TESK2: variants seen among roughly 807,000 people sequenced by gnomAD.
TESK2 encodes the protein dual specificity testis-specific protein kinase 2.
A neutral mutation model predicts 57.1 loss-of-function variants in TESK2; 39 were observed. The ratio of observed to expected loss-of-function variants is 0.68; its 90% CI spans 0.53 to 0.89. The LOEUF is 0.89. Among genes scored for constraint, TESK2 ranks in the 40% least tolerant of loss-of-function variants. The pLI, the probability that TESK2 is intolerant of heterozygous loss-of-function variation, is 0.00. For missense variants in TESK2, 646 were observed against 732.1 expected (o/e 0.88, Z 1.36); for synonymous variants, 249 against 267.9 (o/e 0.93, Z 0.69).
intron 4 of TESK2, among the ~76,000 whole-genome samples, chr1:45,368,162 T>C (rs1570656328): frequency 1.4e-5 from 2 of 146,732 alleles, no homozygotes; most frequent in Admixed American, 6.8e-5. Flanking sequence ...ACCCGGCTAA[T>C]TTTTTGTATA....
intron 3 of TESK2, among the ~76,000 whole-genome samples, chr1:45,386,402 T>G (rs1476284235): frequency 1.9e-4 from 14 of 72,578 alleles, no homozygotes; most frequent in South Asian, 8.2e-4. Flanking sequence ...GAAAGATAGA[T>G]AGAAAAGAAA....
At chr1:45,484,657 G>A (rs1022999709) in intron 1 of TESK2, among the ~76,000 whole-genome samples, 1 of 152,100 alleles carries the variant, frequency 6.6e-6, no homozygotes, top group Non-Finnish European at 1.5e-5. Context: ...GCTTCAACCC[G>A]GAAGGCGGAA....
At chr1:45,475,435 G>T (rs747283585) in intron 1 of TESK2, among the ~76,000 whole-genome samples, 4 of 151,946 alleles carry the variant, frequency 2.6e-5, no homozygotes, top group Non-Finnish European at 4.4e-5. Context: ...TCGAACTCTT[G>T]ACCTCAGGTG....
Position 45,401,041 on chromosome 1 carries a change from AAAG to A in TESK2, c.345-15084_345-15082del, listed in dbSNP as rs1160666787. 2.0e-5 allele frequency among the ~76,000 whole-genome samples: 3 copies of A among 151,038 alleles called. No homozygotes were observed. The East Asian group carries it at 5.8e-4, about 29-fold the overall frequency. ...ACTCTGTCTTAAAAAAAAAAAAAAA[AAAG>A]AAGTGAAGAAAGAGGTGTGACATAG... is the stretch of plus-strand genomic sequence containing the variant. On this transcript the variant is annotated intron_variant, in intron 3 of 10. Transcript: ENST00000372086.
chr1:45,361,511 C>A (rs1409941555), intron 4 of TESK2, among the ~76,000 whole-genome samples: 1 of 152,138 alleles, frequency 6.6e-6, no homozygotes, highest in Non-Finnish European at 1.5e-5. Flanking sequence ...TTTACCTATA[C>A]CAAAACTTGC....
At chr1:45,380,358 TGA>T (rs1157773978) in intron 4 of TESK2, among the ~76,000 whole-genome samples, 1 of 152,228 alleles carries the variant, frequency 6.6e-6, no homozygotes, top group Non-Finnish European at 1.5e-5. Context: ...TTCTAGCCAC[TGA>T]GAGTTTCTGC....
intron 3 of TESK2, among the ~76,000 whole-genome samples, chr1:45,389,250 G>A (rs1051244066): frequency 9.2e-5 from 14 of 152,074 alleles, no homozygotes; most frequent in African/African-American, 2.9e-4. Flanking sequence ...CTGAGACCTC[G>A]TCATATACAT....
chr1:45,424,618 C>G (rs1650612969), intron 2 of TESK2, among the ~76,000 whole-genome samples: 1 of 152,192 alleles, frequency 6.6e-6, no homozygotes, highest in Admixed American at 6.5e-5. Flanking sequence ...TTAATAAGGA[C>G]TCTCCAGCTG....
chr1:45,345,444 A>T lies in TESK2; in HGVS notation c.1112T>A (p.Ile371Asn). Residue 371 changes from isoleucine (I) to asparagine (N), a missense_variant, in exon 11 of 11, where the codon ATC (isoleucine) becomes AAC (asparagine). Coordinates refer to ENST00000372086, the MANE Select transcript of TESK2 (RefSeq NM_007170.3). ...TIWLSRSQSDIFSRKPPRTVS... is the reference protein window; with the variant it reads ...TIWLSRSQSDNFSRKPPRTVS... ...TGTACGTGGGGGCTTACGGGAAAAG[A>T]TATCTGACTGGCTTCGAGACAGCCA... is the stretch of plus-strand genomic sequence containing the variant. The T allele has an allele frequency of 6.2e-7, 1 of 1,614,124 alleles. No individual in the cohort carries two copies. Among genetic ancestry groups the T allele is most frequent in the South Asian group, 1.1e-5 (1 of 91,078 alleles).
chr1:45,416,273 ACAAG>A (rs1161630306), intron 3 of TESK2, among the ~76,000 whole-genome samples: 7 of 150,672 alleles, frequency 4.6e-5, no homozygotes, highest in Non-Finnish European at 7.4e-5. Flanking sequence ...TGTAGAGAAA[ACAAG>A]GTTTTCTCTA....
At chr1:45,360,337 A>G (rs1009726601) in intron 4 of TESK2, among the ~76,000 whole-genome samples, 2 of 152,156 alleles carry the variant, frequency 1.3e-5, no homozygotes, top group Non-Finnish European at 2.9e-5. Flanking sequence ...TCACTTCTTT[A>G]GCATGATGAC....
At chr1:45,440,445 G>A (rs1228767484) in intron 2 of TESK2, among the ~76,000 whole-genome samples, 1 of 152,072 alleles carries the variant, frequency 6.6e-6, no homozygotes, top group Non-Finnish European at 1.5e-5. Context: ...TGGGCGCGGT[G>A]GCTCATGCCC....
intron 3 of TESK2, among the ~76,000 whole-genome samples, chr1:45,402,524 C>T (rs1414452878): frequency 6.6e-6 from 1 of 150,798 alleles, no homozygotes; most frequent in Non-Finnish European, 1.5e-5. Flanking sequence ...CTCTTGTTGC[C>T]CAGGCTGGAG....
chr1:45,418,888 G>C (rs1570710057), intron 3 of TESK2, among the ~76,000 whole-genome samples: 1 of 151,396 alleles, frequency 6.6e-6, no homozygotes, highest in Non-Finnish European at 1.5e-5. Context: ...CCCATAAGCA[G>C]ATATACTTAC....
chr1:45,385,735 T>A (rs1023119505), intron 4 of TESK2, among the ~76,000 whole-genome samples, 177 bp downstream of exon 4: 2 of 148,444 alleles, frequency 1.3e-5, no homozygotes, highest in Middle Eastern at 3.5e-3. Context: ...TATATATATA[T>A]AAAGAAATAC....
At chr1:45,345,846 T>TTA (rs750866636) in intron 10 of TESK2, 31 bp downstream of exon 10, 20 of 1,569,104 alleles carry the variant, frequency 1.3e-5, no homozygotes, top group South Asian at 7.8e-5. Flanking sequence ...TCCCTTAGGG[T>TTA]TAGGTTGGGC....
At chr1:45,389,231 T>C (rs1649039459) in intron 3 of TESK2, among the ~76,000 whole-genome samples, 1 of 152,068 alleles carries the variant, frequency 6.6e-6, no homozygotes, top group Non-Finnish European at 1.5e-5. Flanking sequence ...CTGGGCAATA[T>C]AGGGAGACCT....
chr1:45,485,993 T>C (rs1424858184), intron 1 of TESK2, among the ~76,000 whole-genome samples: 1 of 152,232 alleles, frequency 6.6e-6, no homozygotes, highest in Admixed American at 6.5e-5. Context: ...AACTAAGGTT[T>C]TCCTAATGTT....
rs546722428 is a variant in TESK2 at position 45,351,460 on chromosome 1, A to G, written c.541-3460T>C. ...TGCAGTAGCTGCGGACATGAGTCCT[A>G]TAAAGGTAATACTACTTTCAGGAGG... On this transcript the variant is annotated intron_variant, in intron 5 of 10. Coordinates refer to ENST00000372086, the MANE Select transcript of TESK2 (RefSeq NM_007170.3). 4.0e-4 allele frequency among the ~76,000 whole-genome samples: 61 copies of G among 152,370 alleles called. 1 individual carries two copies. In the South Asian group the frequency reaches 0.012, roughly 30 times the overall value.
Sources: allele counts gnomAD v4.1 joint callset (sites outside exome capture counted in the v4.1 genomes callset), GRCh38; gene constraint gnomAD v4.1.1; transcripts MANE v1.5; gene names NCBI Gene and HGNC (gene_info 2026-07-23, HGNC 2026-07-21).